Variants in SV2B observed in about 807,000 individuals in gnomAD.
SV2B encodes solute carrier family 22 member B2.
SV2B carries 41 observed loss-of-function variants against 73.9 expected under a neutral mutation model. That is an observed-to-expected ratio of 0.56 (90% CI 0.43 to 0.72). The LOEUF is 0.72. SV2B is among the 30% of genes least tolerant of loss of function. The pLI is 0.00. For synonymous variants in SV2B, 314 were observed against 314.2 expected, an observed-to-expected ratio of 1.00 and a Z score of 0.01; for missense variants, 764 against 857.8, an observed-to-expected ratio of 0.89 and a Z score of 1.37.
rs556700844 is a variant in SV2B at position 91,133,750 on chromosome 15, TTGAC to T, written c.-392+33390_-392+33393del. 4.0e-3 allele frequency among the ~76,000 whole-genome samples: 611 copies of T among 152,204 alleles called. 2 individuals carry two copies. The highest frequency in any genetic ancestry group is 0.014 in the African/African-American group (585 of 41,528). On this transcript the variant is annotated intron_variant, in intron 1 of 12. Coordinates refer to ENST00000394232, the MANE Select transcript of SV2B (RefSeq NM_001323032.3). ...GCTTGGCGCCATGGCAACAAAGTCT[TTGAC>T]TGGGGCTTCTTCTGATTTCTCTTGT...
At position 91,300,607 on chromosome 15, in the gene SV2B, G is replaced by T. The variant is rs2049410642; in HGVS notation, c.*8055G>T. ...AGACAGGTGCCGGTTTTGGGGAGAG[G>T]TGAGAGTACCCAGATGTGGGTGACT... On this transcript the variant is annotated 3_prime_UTR_variant, in exon 13 of 13. Coordinates refer to ENST00000394232, the MANE Select transcript of SV2B (RefSeq NM_001323032.3). The T allele has an allele frequency of 6.6e-6, 1 of 152,210 alleles. No individual in the cohort carries two copies. The highest frequency in any genetic ancestry group is 2.1e-4 in the South Asian group (1 of 4,834). 9.4% of individuals were successfully genotyped at this position (152,210 alleles called of 1,614,324 possible).
chr15:91,144,797 A>C (rs953239652), intron 1 of SV2B, among the ~76,000 whole-genome samples: 1 of 152,096 alleles, frequency 6.6e-6, no homozygotes, highest in African/African-American at 2.4e-5. Context: ...ATTTTTAAGT[A>C]GGAGGGCTCT....
In SV2B at chr15:91,294,578, G is replaced by A. The variant is rs2049156355; in HGVS notation, c.*2026G>A. ...GTAATTTACTTTCCATATGAATACAGTGGCTAGGTTCATAAAAGAGAATTG... is the reference window on the plus strand; with the variant it reads ...GTAATTTACTTTCCATATGAATACAATGGCTAGGTTCATAAAAGAGAATTG... On this transcript the variant is annotated 3_prime_UTR_variant, in exon 13 of 13. Coordinates refer to ENST00000394232, the MANE Select transcript of SV2B (RefSeq NM_001323032.3). This position sits in a 1 kb window ranked among gnomAD's most constrained non-coding sequence, Gnocchi z 4.1. 1 of 151,946 alleles carries A rather than the reference G, an allele frequency of 6.6e-6. No individual in the cohort carries two copies. Among genetic ancestry groups the A allele is most frequent in the African/African-American group, 2.4e-5 (1 of 41,226 alleles). The allele number at this position is 151,946 out of a possible 1,614,324, so 9.4% of individuals were successfully genotyped here.
Position 91,300,258 on chromosome 15 carries a change from G to A in SV2B, c.*7706G>A, listed in dbSNP as rs957464973. 20 of 151,290 alleles carry A rather than the reference G, an allele frequency of 1.3e-4. No homozygotes were observed. The highest frequency in any genetic ancestry group is 1.2e-3 in the Admixed American group (19 of 15,242). 9.4% of individuals were successfully genotyped at this position (151,290 alleles called of 1,614,324 possible). A position where few individuals can be genotyped will look rare whatever the true frequency, so the allele number is the denominator to read the frequency against. ...GAGGAATATCTGACTATTTTTTTTTGTGTGTGAGATTTGGTCTCAGCTTTT... is the reference window on the plus strand; with the variant it reads ...GAGGAATATCTGACTATTTTTTTTTATGTGTGAGATTTGGTCTCAGCTTTT... On this transcript the variant is annotated 3_prime_UTR_variant, in exon 13 of 13. Coordinates refer to ENST00000394232, the MANE Select transcript of SV2B (RefSeq NM_001323032.3).
Position 91,265,743 on chromosome 15 carries a change from G to T in SV2B, c.1009-839G>T, listed in dbSNP as rs1439849257. On this transcript the variant is annotated intron_variant, in intron 6 of 12. Transcript: ENST00000394232. This position sits in a 1 kb window ranked among gnomAD's most constrained non-coding sequence, Gnocchi z 4.2. ...ATTTGCAAAGGCTGCATAGCTGGGAGTGGCCAGATGAGTCCAGGAGGCTCA... is the reference window on the plus strand; with the variant it reads ...ATTTGCAAAGGCTGCATAGCTGGGATTGGCCAGATGAGTCCAGGAGGCTCA... 6.6e-6 allele frequency among the ~76,000 whole-genome samples: 1 copy of T among 152,238 alleles called. No homozygotes were observed. Among genetic ancestry groups the T allele is most frequent in the Non-Finnish European group, 1.5e-5 (1 of 68,030 alleles).
Position 91,288,472 on chromosome 15 carries a change from C to T in SV2B, c.1709-1049C>T, listed in dbSNP as rs974780540. 1.3e-5 allele frequency among the ~76,000 whole-genome samples: 2 copies of T among 152,018 alleles called. No homozygotes were observed. Among genetic ancestry groups the T allele is most frequent in the East Asian group, 1.9e-4 (1 of 5,188 alleles). On this transcript the variant is annotated intron_variant, in intron 11 of 12. Coordinates refer to ENST00000394232, the MANE Select transcript of SV2B (RefSeq NM_001323032.3). The surrounding 1 kb of genome is among the most constrained non-coding windows in gnomAD (Gnocchi z 5.8). ...ATACATTGTTAGTAACTGTAGTCAC[C>T]GTGCTGTGTAGTAGATCTCGAAAAG... is the stretch of plus-strand genomic sequence containing the variant.
chr15:91,252,663 A>C lies in SV2B; in HGVS notation c.784+143A>C. ...TTGATCTTTCTTAACAACTTCTAAC[A>C]TTGCAGACACATTGTTAATTTCAAT... On this transcript the variant is annotated intron_variant, in intron 4 of 12. Coordinates refer to ENST00000394232, the MANE Select transcript of SV2B (RefSeq NM_001323032.3). This position sits in a 1 kb window ranked among gnomAD's most constrained non-coding sequence, Gnocchi z 4.6. 1 of 858,752 alleles carries C rather than the reference A, an allele frequency of 1.2e-6. No individual in the cohort carries two copies. Among genetic ancestry groups the C allele is most frequent in the Non-Finnish European group, 1.6e-6 (1 of 639,178 alleles). The allele number at this position is 858,752 out of a possible 1,614,324, so 53.2% of individuals were successfully genotyped here. A position where few individuals can be genotyped will look rare whatever the true frequency, so the allele number is the denominator to read the frequency against.
rs370500820 is a variant in SV2B, at chr15:91,285,312, C to G, written c.1708+1091C>G. Among the ~76,000 whole-genome samples the G allele has an allele frequency of 2.4e-4, 37 of 152,314 alleles. 1 individual carries two copies. The highest frequency in any genetic ancestry group is 1.3e-3 in the Admixed American group (20 of 15,302). Reference sequence around the variant, plus strand: ...GTCATCTCTTAGATATGGCAGACTTCATGCTCTCCTCTATTAGAGGCAGTG... The same window carrying G: ...GTCATCTCTTAGATATGGCAGACTTGATGCTCTCCTCTATTAGAGGCAGTG... On this transcript the variant is annotated intron_variant, in intron 11 of 12. Coordinates refer to ENST00000394232, the MANE Select transcript of SV2B (RefSeq NM_001323032.3).
At chr15:91,270,864 GAT>G (rs2048278072) in intron 9 of SV2B, among the ~76,000 whole-genome samples, 1 of 108,578 alleles carries the variant, frequency 9.2e-6, no homozygotes, top group African/African-American at 4.5e-5. Context: ...TCCTGTGGAT[GAT>G]GGGCGGACGG....
At chr15:91,246,443 A>G (rs976631199) in intron 2 of SV2B, among the ~76,000 whole-genome samples, 1 of 152,166 alleles carries the variant, frequency 6.6e-6, no homozygotes, top group African/African-American at 2.4e-5. Flanking sequence ...TCCCCTATAT[A>G]ATCCTAACAA....
At position 91,296,224 on chromosome 15, in the gene SV2B, G is replaced by T. The variant is rs1329001690; in HGVS notation, c.*3672G>T. ...ATTGGTGAGTGGGGTAAGAATCCCC[G>T]TAGCCCTGGGAAAGGTGTCTCCACT... On this transcript the variant is annotated 3_prime_UTR_variant, in exon 13 of 13. Coordinates refer to ENST00000394232, the MANE Select transcript of SV2B (RefSeq NM_001323032.3). The T allele has an allele frequency of 6.6e-6, 1 of 152,188 alleles. No homozygotes were observed. Among genetic ancestry groups the T allele is most frequent in the Non-Finnish European group, 1.5e-5 (1 of 68,056 alleles). 9.4% of individuals were successfully genotyped at this position (152,188 alleles called of 1,614,324 possible). A position where few individuals can be genotyped will look rare whatever the true frequency, so the allele number is the denominator to read the frequency against.
At chr15:91,218,633 C>T (rs1346005970) in intron 1 of SV2B, among the ~76,000 whole-genome samples, 1 of 152,144 alleles carries the variant, frequency 6.6e-6, no homozygotes, top group Non-Finnish European at 1.5e-5. Context: ...GGGCTTTGTC[C>T]CTATAATGCC....
chr15:91,155,730 C>G (rs1283507544), intron 1 of SV2B, among the ~76,000 whole-genome samples: 1 of 152,156 alleles, frequency 6.6e-6, no homozygotes, highest in Non-Finnish European at 1.5e-5. Flanking sequence ...GTGAGTCAAA[C>G]TGCATTTTAT....
intron 1 of SV2B, among the ~76,000 whole-genome samples, chr15:91,182,620 G>A (rs183043901): frequency 7.9e-5 from 12 of 152,222 alleles, no homozygotes; most frequent in African/African-American, 2.2e-4. Context: ...TCTCAAACAC[G>A]TGCCACTGAC....
chr15:91,242,403 A>G lies in SV2B; in HGVS notation c.452-9416A>G, dbSNP rs1479005437. On this transcript the variant is annotated intron_variant, in intron 2 of 12. Transcript: ENST00000394232. The surrounding 1 kb of genome is among the most constrained non-coding windows in gnomAD (Gnocchi z 4.9). The stretch of plus-strand genomic sequence containing the variant: ...CAGCCACTTCTTACCACTTTCCTCT[A>G]CCTACCAACCTGGCCCAAGTCATCA... Among the ~76,000 whole-genome samples the G allele has an allele frequency of 2.0e-5, 3 of 152,036 alleles. No homozygotes were observed. The highest frequency in any genetic ancestry group is 4.4e-5 in the Non-Finnish European group (3 of 68,016).
In SV2B at chr15:91,115,537, A is replaced by T. The variant is rs1040249869; in HGVS notation, c.-392+15174A>T. 3.5e-5 allele frequency among the ~76,000 whole-genome samples: 5 copies of T among 144,624 alleles called. No individual in the cohort carries two copies. The highest frequency in any genetic ancestry group is 1.0e-4 in the African/African-American group (4 of 39,538). 94.9% of individuals were successfully genotyped at this position (144,624 alleles called of 152,430 possible). On this transcript the variant is annotated intron_variant, in intron 1 of 12. Transcript: ENST00000394232. The surrounding 1 kb of genome is among the most constrained non-coding windows in gnomAD (Gnocchi z 4.3). ...CAGGCACCCACCATCATGCCTGGCT[A>T]TTTTTTTTTTTGTATTTTTAGTAGA...
intron 1 of SV2B, among the ~76,000 whole-genome samples, chr15:91,202,286 G>C (rs2045487661): frequency 6.6e-6 from 1 of 152,194 alleles, no homozygotes; most frequent in African/African-American, 2.4e-5. Flanking sequence ...GGGACTTTGT[G>C]TTCTTTGTCC....
In SV2B at chr15:91,153,582, T is replaced by C. The variant is rs193287742; in HGVS notation, c.-392+53219T>C. ...AAAACTGTTAGCTCCATGTCTGTCA[T>C]AGACAGTTTTCCACAGCTCTGAGCT... On this transcript the variant is annotated intron_variant, in intron 1 of 12. Coordinates refer to ENST00000394232, the MANE Select transcript of SV2B (RefSeq NM_001323032.3). Among the ~76,000 whole-genome samples the C allele has an allele frequency of 2.3e-4, 35 of 152,262 alleles. No individual in the cohort carries two copies. In the East Asian group the frequency reaches 6.8e-3, roughly 29 times the overall value.
chr15:91,241,817 T>C lies in SV2B; in HGVS notation c.452-10002T>C, dbSNP rs1232095788. On this transcript the variant is annotated intron_variant, in intron 2 of 12. Coordinates refer to ENST00000394232, the MANE Select transcript of SV2B (RefSeq NM_001323032.3). This position sits in a 1 kb window ranked among gnomAD's most constrained non-coding sequence, Gnocchi z 4.8. Reference sequence around the variant, plus strand: ...CTCCTCATCAATATTTATCTCTCTATGGAATCATTCCCACCAGCACACTAC... The same window carrying C: ...CTCCTCATCAATATTTATCTCTCTACGGAATCATTCCCACCAGCACACTAC... Among the ~76,000 whole-genome samples, 2 of 152,192 alleles carry C rather than the reference T, an allele frequency of 1.3e-5. No homozygotes were observed. The highest frequency in any genetic ancestry group is 4.8e-5 in the African/African-American group (2 of 41,436).
Sources: gnomAD v4.1 joint callset for allele counts (sites outside exome capture counted in the v4.1 genomes callset) on GRCh38, gnomAD v4.1.1 for gene constraint, Gnocchi (gnomAD v3.1) non-coding constraint, MANE v1.5 for transcripts, NCBI Gene and HGNC (gene_info 2026-07-23, HGNC 2026-07-21) for gene names.